Variants in PARP4 observed in about 807,000 individuals in gnomAD.
PARP4 encodes poly(ADP-ribose) polymerase family member 4, also known as protein mono-ADP-ribosyltransferase PARP4.
A neutral mutation model predicts 187.7 loss-of-function variants in PARP4; 120 were observed. The observed-to-expected ratio is 0.64, with a 90% CI of 0.55 to 0.74. The LOEUF (loss-of-function observed/expected upper bound fraction) is 0.74, where lower values mean the gene tolerates loss of function less well. Ranked by LOEUF, PARP4 falls within the 30% of genes least tolerant of loss-of-function variation. PARP4 has a pLI of 0.00. For missense variants in PARP4, 1,836 were observed against 2,070.5 expected, an observed-to-expected ratio of 0.89 and a Z score of 2.20; for synonymous variants, 654 against 740.9, an observed-to-expected ratio of 0.88 and a Z score of 1.90.
Position 24,478,149 on chromosome 13 carries a change from C to T in PARP4, c.1576G>A (p.Gly526Ser). 6.2e-7 allele frequency: 1 copy of T among 1,613,720 alleles called. No individual in the cohort carries two copies. The highest frequency in any genetic ancestry group is 8.5e-7 in the Non-Finnish European group (1 of 1,179,746). The change falls in exon 13 of 34, where the codon GGC becomes AGC. Residue 526 changes from glycine to serine, a missense_variant. Around this residue, in one of 8 missense-constraint regions of PARP4, gnomAD observed 1,147 missense variants for 1,214.2 expected, o/e 0.94. Coordinates refer to ENST00000381989, the MANE Select transcript of PARP4 (RefSeq NM_006437.4). Reference sequence around the variant, plus strand: ...GAAACTCCATGCACACTGTCGTAGCCTGGTGGTGCTTCAGTTAAGGAAAAG... The same window carrying T: ...GAAACTCCATGCACACTGTCGTAGCTTGGTGGTGCTTCAGTTAAGGAAAAG... ...KDFSLTEAPP[G>S]YDSVHGVSQT...
chr13:24,506,012 A>T (rs1480662004), intron 1 of PARP4, among the ~76,000 whole-genome samples: 1 of 152,216 alleles, frequency 6.6e-6, no homozygotes, highest in Non-Finnish European at 1.5e-5. Context: ...CCACTCCTAC[A>T]GGCCAGAGGC....
At chr13:24,455,309 T>A in intron 21 of PARP4, 97 bp from the exon 22 acceptor site, 1 of 732,786 alleles carries the variant, frequency 1.4e-6, no homozygotes. Context: ...TGAGGTAAAC[T>A]AATGCTATAA....
At chr13:24,436,684 G>A (rs1870655973) in intron 30 of PARP4, among the ~76,000 whole-genome samples, 1 of 128,328 alleles carries the variant, frequency 7.8e-6, no homozygotes, top group African/African-American at 3.1e-5. Flanking sequence ...AAATTTTGAG[G>A]GATGCTATAT....
intron 12 of PARP4, among the ~76,000 whole-genome samples, chr13:24,482,047 G>A (rs1353534608): frequency 6.6e-6 from 1 of 152,224 alleles, no homozygotes; most frequent in Non-Finnish European, 1.5e-5. Context: ...GGGTTTGGAA[G>A]AAGTTTACTC....
At chr13:24,484,213 C>A (rs945635842) in intron 12 of PARP4, among the ~76,000 whole-genome samples, 2 of 152,180 alleles carry the variant, frequency 1.3e-5, no homozygotes, top group African/African-American at 4.8e-5. Flanking sequence ...GTTGCCCAAG[C>A]TGGACTGCAG....
chr13:24,470,051 A>G (rs114028848), intron 15 of PARP4, 26 bp from the exon 16 acceptor site: 1 of 1,562,108 alleles, frequency 6.4e-7, no homozygotes, highest in Non-Finnish European at 8.7e-7. Context: ...AATCCATACA[A>G]TTGATGAGAC....
At chr13:24,429,976 T>C (rs1202294826) in intron 32 of PARP4, among the ~76,000 whole-genome samples, 1 of 152,248 alleles carries the variant, frequency 6.6e-6, no homozygotes, top group Non-Finnish European at 1.5e-5. Context: ...ACAAGCTGGA[T>C]ACGTGTGGAG....
chr13:24,443,769 G>C (rs1253868703), intron 27 of PARP4, 39 bp from the exon 28 acceptor site: 5 of 1,365,090 alleles, frequency 3.7e-6, no homozygotes, highest in Non-Finnish European at 5.2e-6. Context: ...TATTCACATG[G>C]CTTCTAATAT....
chr13:24,438,567 C>T (rs1027806357), intron 30 of PARP4, among the ~76,000 whole-genome samples: 12 of 152,188 alleles, frequency 7.9e-5, no homozygotes, highest in Admixed American at 6.5e-4. Context: ...TTTTAAAAAT[C>T]TCTGCCTCTC....
At chr13:24,471,767 C>CGGTA (rs1872737594) in intron 15 of PARP4, among the ~76,000 whole-genome samples, 1 of 152,120 alleles carries the variant, frequency 6.6e-6, no homozygotes, top group Non-Finnish European at 1.5e-5. Context: ...TCATCTAATC[C>CGGTA]CAAGTAAGGC....
In PARP4 at chr13:24,490,462, G is replaced by A. The variant is rs574302111; in HGVS notation, c.1214+206C>T. 3.8e-4 allele frequency among the ~76,000 whole-genome samples: 58 copies of A among 152,242 alleles called. No individual in the cohort carries two copies. In the South Asian group the frequency reaches 3.9e-3, roughly 10 times the overall value. ...AACAAGATTAGGTAACCTTGAAATC[G>A]GAGTGGAATATAGAGGGTGTTTTCA... On this transcript the variant is annotated intron_variant, in intron 10 of 33. Transcript: ENST00000381989.
chr13:24,467,824 C>T (rs1234468177), intron 17 of PARP4, among the ~76,000 whole-genome samples: 5 of 152,246 alleles, frequency 3.3e-5, no homozygotes, highest in East Asian at 3.9e-4. Context: ...TACCAACACA[C>T]GTAGGAGGAT....
At chr13:24,433,059 A>C (rs1348629049) in intron 31 of PARP4, among the ~76,000 whole-genome samples, 1 of 152,098 alleles carries the variant, frequency 6.6e-6, no homozygotes, top group Non-Finnish European at 1.5e-5. Context: ...GTTGGGAAAA[A>C]GCTGAGTGTT....
chr13:24,435,302 C>T lies in PARP4; in HGVS notation c.3839G>A (p.Gly1280Asp), dbSNP rs751669730. ...PAFTSNLERG[G>D]VEKLLDLSWT... ...ACTTAAATCCAATAGCTTTTCCACA[C>T]CTCCACGTTCCAAATTTGATGTGAA... The change falls in exon 31 of 34, where the codon GGT becomes GAT. Residue 1280 changes from glycine to aspartate, a missense_variant. Physicochemically the swap from Gly to Asp is moderately conservative, Grantham distance 94. Around this residue, in one of 8 missense-constraint regions of PARP4, gnomAD observed 450 missense variants for 439.2 expected, o/e 1.02. Transcript: ENST00000381989. 18 of 1,612,704 alleles carry T rather than the reference C, an allele frequency of 1.1e-5. No individual in the cohort carries two copies. The highest frequency in any genetic ancestry group is 2.2e-5 in the South Asian group (2 of 91,026).
chr13:24,441,269 G>A (rs1004383746), intron 30 of PARP4, among the ~76,000 whole-genome samples: 7 of 152,228 alleles, frequency 4.6e-5, no homozygotes, highest in Admixed American at 4.6e-4. Flanking sequence ...TTCCCAAAGT[G>A]CTGGGATTAC....
At chr13:24,468,813 T>C (rs1293816820) in intron 17 of PARP4, among the ~76,000 whole-genome samples, 4 of 152,224 alleles carry the variant, frequency 2.6e-5, no homozygotes, top group Non-Finnish European at 5.9e-5. Context: ...CTAGCTCTTC[T>C]TGTTTGTCTG....
intron 30 of PARP4, among the ~76,000 whole-genome samples, chr13:24,438,328 G>A (rs1451164703): frequency 2.0e-5 from 3 of 152,174 alleles, no homozygotes; most frequent in Non-Finnish European, 4.4e-5. Flanking sequence ...TACTGCCGCT[G>A]CTGACGTGAC....
Position 24,455,088 on chromosome 13 carries a change from T to C in PARP4, c.2687A>G (p.Lys896Arg). Reference protein sequence around the residue: ...SMEGVTFLQAKQIALHALSLV... With the variant: ...SMEGVTFLQARQIALHALSLV... ...GGACAGCGCATGCAAGGCGATTTGC[T>C]TGGCTTGCAAGAATGTCACACCCTC... The change falls in exon 22 of 34, where the codon AAG becomes AGG. Residue 896 changes from lysine to arginine, a missense_variant. Physicochemically the swap from Lys to Arg is conservative, Grantham distance 26. This residue lies in a region of PARP4 where 1,147 missense variants were observed against 1,214.2 expected (regional missense o/e 0.94). Coordinates refer to ENST00000381989, the MANE Select transcript of PARP4 (RefSeq NM_006437.4). 1.2e-6 allele frequency: 2 copies of C among 1,613,574 alleles called. No homozygotes were observed. The highest frequency in any genetic ancestry group is 8.5e-7 in the Non-Finnish European group (1 of 1,179,568).
At chr13:24,429,067 C>T (rs1253611144) in intron 32 of PARP4, among the ~76,000 whole-genome samples, 4 of 151,938 alleles carry the variant, frequency 2.6e-5, no homozygotes, top group East Asian at 1.9e-4. Flanking sequence ...CATTGTCAAT[C>T]GAATTAAATG....
Sources: gnomAD v4.1 joint callset for allele counts (sites outside exome capture counted in the v4.1 genomes callset) on GRCh38, gnomAD v4.1.1 for gene constraint, gnomAD v4.1.1 regional missense constraint, MANE v1.5 for transcripts, NCBI Gene and HGNC (gene_info 2026-07-23, HGNC 2026-07-21) for gene names.